The following MTHFD1L variants were observed in gnomAD, a reference collection of about 807,000 sequenced individuals.
MTHFD1L encodes methylenetetrahydrofolate dehydrogenase (NADP+ dependent) 1 like.
MTHFD1L carries 81 observed loss-of-function variants against 119.5 expected under a neutral mutation model. The ratio of observed to expected loss-of-function variants is 0.68; its 90% CI spans 0.57 to 0.82. The LOEUF is 0.82. MTHFD1L is among the 40% of genes least tolerant of loss of function. The pLI is 0.00. For missense variants in MTHFD1L, 1,125 were observed against 1,253.4 expected (o/e 0.90, Z 1.55); for synonymous variants, 430 against 475.2 (o/e 0.90, Z 1.24).
intron 26 of MTHFD1L, among the ~76,000 whole-genome samples, chr6:151,051,361 T>C (rs554251033): frequency 6.6e-6 from 1 of 152,294 alleles, no homozygotes; most frequent in African/African-American, 2.4e-5. Context: ...GGCTGCGTCA[T>C]CATCATCATC....
intron 26 of MTHFD1L, among the ~76,000 whole-genome samples, chr6:151,037,833 G>A (rs1357938209): frequency 6.6e-6 from 1 of 152,112 alleles, no homozygotes; most frequent in Non-Finnish European, 1.5e-5. Flanking sequence ...CTTTGGGAGT[G>A]CTCCTAAATT....
At chr6:151,014,457 A>T (rs1390354323) in intron 22 of MTHFD1L, among the ~76,000 whole-genome samples, 1 of 152,234 alleles carries the variant, frequency 6.6e-6, no homozygotes, top group South Asian at 2.1e-4. Flanking sequence ...TATGATTTAC[A>T]GGAGTGGCTT....
At position 150,891,363 on chromosome 6, in the gene MTHFD1L, A is replaced by C. The variant is rs374602201; in HGVS notation, c.780+3382A>C. Reference sequence around the variant, plus strand: ...GGATGTATTTCATACAACACCATTTATATGTGTCTGAAAGCAACACAACAT... The same window carrying C: ...GGATGTATTTCATACAACACCATTTCTATGTGTCTGAAAGCAACACAACAT... On this transcript the variant is annotated intron_variant, in intron 7 of 27. Transcript: ENST00000367321. Among the ~76,000 whole-genome samples the C allele has an allele frequency of 8.6e-5, 13 of 150,486 alleles. No individual in the cohort carries two copies. In the East Asian group the frequency reaches 2.5e-3, roughly 29 times the overall value.
intron 20 of MTHFD1L, among the ~76,000 whole-genome samples, chr6:150,979,695 T>G (rs1043294422): frequency 1.3e-5 from 2 of 152,004 alleles, no homozygotes; most frequent in Non-Finnish European, 2.9e-5. Flanking sequence ...AGATGGAGTT[T>G]CTCCATGTTA....
chr6:151,051,564 A>C (rs1333319363), intron 26 of MTHFD1L, among the ~76,000 whole-genome samples: 1 of 152,140 alleles, frequency 6.6e-6, no homozygotes, highest in East Asian at 1.9e-4. Context: ...TTTTCTTTTC[A>C]GTAGGTCAGT....
At chr6:150,868,339 A>ATTT (rs34073444) in intron 1 of MTHFD1L, among the ~76,000 whole-genome samples, 2 of 136,672 alleles carry the variant, frequency 1.5e-5, no homozygotes, top group African/African-American at 5.5e-5. Context: ...GTGGCTATTA[A>ATTT]TTTTTTTTTT....
In MTHFD1L at chr6:150,960,290, G is replaced by A. The variant is rs115088610; in HGVS notation, c.1819G>A (p.Ala607Thr). The change falls in exon 18 of 28, where the codon GCA (alanine) becomes ACA (threonine). Residue 607 changes from alanine (A) to threonine (T), a missense_variant. Physicochemically the swap from Ala to Thr is moderately conservative, Grantham distance 58. Coordinates refer to ENST00000367321, the MANE Select transcript of MTHFD1L (RefSeq NM_015440.5). ...GHYRQAQFDI[A>T]VASEIMAVLA... ...GCTGGTTCAGGCGCAGTTTGACATCGCAGTGGCCAGCGAGATCATGGCGGT... is the reference window on the plus strand; with the variant it reads ...GCTGGTTCAGGCGCAGTTTGACATCACAGTGGCCAGCGAGATCATGGCGGT... 3.2e-5 allele frequency: 51 copies of A among 1,613,132 alleles called. No individual in the cohort carries two copies. The East Asian group carries it at 5.6e-4, about 18-fold the overall frequency.
At chr6:151,041,891 G>T in intron 26 of MTHFD1L, 1 of 492,858 alleles carries the variant, frequency 2.0e-6, no homozygotes, top group East Asian at 5.7e-5. Flanking sequence ...ATGGTGAGAT[G>T]CTGGAGCTTT....
chr6:151,027,630 C>CTT (rs769049465), intron 24 of MTHFD1L, among the ~76,000 whole-genome samples: 7 of 138,336 alleles, frequency 5.1e-5, no homozygotes, highest in East Asian at 2.1e-4. Flanking sequence ...CTGAGCTTGG[C>CTT]TTTTTTTTTT....
chr6:151,037,077 C>A lies in MTHFD1L; in HGVS notation c.2807C>A (p.Ala936Asp), dbSNP rs775719972. Residue 936 changes from alanine to aspartate, a missense_variant, in exon 26 of 28, where the codon GCC (alanine) becomes GAC (aspartate). Physicochemically the swap from Ala to Asp is moderately radical, Grantham distance 126 (BLOSUM62 -2). This residue lies in a region of MTHFD1L where 61 missense variants were observed against 78.9 expected (regional missense o/e 0.77). Coordinates refer to ENST00000367321, the MANE Select transcript of MTHFD1L (RefSeq NM_015440.5). ...DFILPISDVR[A>D]SIGAGFIYPL... is the part of the protein sequence containing the mutation. Reference sequence around the variant, plus strand: ...ATCTTACCTATCAGTGACGTCCGGGCCAGCATAGGCGCTGGGTTCATTTAC... The same window carrying A: ...ATCTTACCTATCAGTGACGTCCGGGACAGCATAGGCGCTGGGTTCATTTAC... The A allele has an allele frequency of 6.2e-7, 1 of 1,611,980 alleles. No individual in the cohort carries two copies. Among genetic ancestry groups the A allele is most frequent in the South Asian group, 1.1e-5 (1 of 90,992 alleles).
At chr6:151,053,482 T>C (rs975361213) in intron 26 of MTHFD1L, among the ~76,000 whole-genome samples, 7 of 152,318 alleles carry the variant, frequency 4.6e-5, no homozygotes, top group Non-Finnish European at 7.3e-5. Context: ...CATGCTGTTG[T>C]TGGTGTTCCC....
At chr6:150,995,926 G>A (rs1436126064) in intron 20 of MTHFD1L, among the ~76,000 whole-genome samples, 3 of 151,124 alleles carry the variant, frequency 2.0e-5, no homozygotes, top group African/African-American at 7.4e-5. Context: ...CTCCCAAAGT[G>A]CTGGGATTAC....
intron 4 of MTHFD1L, among the ~76,000 whole-genome samples, chr6:150,878,625 G>T (rs542556418): frequency 6.6e-6 from 1 of 152,200 alleles, no homozygotes; most frequent in African/African-American, 2.4e-5. Context: ...TCACCAAGTC[G>T]CAGGAGCTCA....
At chr6:150,996,986 C>T (rs508604) in intron 20 of MTHFD1L, among the ~76,000 whole-genome samples, 12,541 of 152,194 alleles carry the variant, frequency 0.082, 711 homozygotes, top group Non-Finnish European at 0.12. Context: ...GAACACTGAC[C>T]GAATCCCAGA....
intron 18 of MTHFD1L, 27 bp downstream of exon 18, chr6:150,960,442 A>G (rs1055063147): frequency 3.2e-6 from 5 of 1,586,670 alleles, no homozygotes; most frequent in East Asian, 2.3e-5. Flanking sequence ...CGGAAGCTTC[A>G]GGGAGTGGAC....
intron 20 of MTHFD1L, among the ~76,000 whole-genome samples, chr6:150,988,402 G>A (rs1054246834): frequency 1.3e-5 from 2 of 151,892 alleles, no homozygotes; most frequent in African/African-American, 2.4e-5. Flanking sequence ...ATTATATGAG[G>A]TCGTTTTAAA....
intron 20 of MTHFD1L, among the ~76,000 whole-genome samples, chr6:150,992,649 A>C (rs1283085182): frequency 6.6e-6 from 1 of 152,182 alleles, no homozygotes; most frequent in African/African-American, 2.4e-5. Flanking sequence ...TTACATCTTC[A>C]CTTTTTTTAG....
intron 26 of MTHFD1L, among the ~76,000 whole-genome samples, chr6:151,045,594 G>T (rs149034589): frequency 0.027 from 4,045 of 152,212 alleles, 121 homozygotes; most frequent in Admixed American, 0.093. Context: ...ATGCTCTGCC[G>T]GTGAGCTTGC....
rs556473256 is a variant in MTHFD1L at position 151,013,798 on chromosome 6, T to C, written c.2285T>C (p.Leu762Pro). The C allele has an allele frequency of 6.2e-7, 1 of 1,612,796 alleles. No individual in the cohort carries two copies. Among genetic ancestry groups the C allele is most frequent in the East Asian group, 2.2e-5 (1 of 44,880 alleles). ...GGPSVTAGVP[L>P]KKEYTEENIQ... ...TTTCAGGTAACGGCTGGTGTTCCTC[T>C]TAAGAAAGAATATACAGAGGAGGTA... Residue 762 changes from leucine (L) to proline (P), a missense_variant, in exon 22 of 28, where the codon CTT (leucine) becomes CCT (proline). Coordinates refer to ENST00000367321, the MANE Select transcript of MTHFD1L (RefSeq NM_015440.5).
Sources: allele counts gnomAD v4.1 joint callset (sites outside exome capture counted in the v4.1 genomes callset), GRCh38; gene constraint gnomAD v4.1.1; regional missense constraint gnomAD v4.1.1; transcripts MANE v1.5; gene names NCBI Gene and HGNC (gene_info 2026-07-23, HGNC 2026-07-21).